Variants in POU2F1 observed in about 807,000 individuals in gnomAD.
POU2F1 encodes the protein POU class 2 homeobox 1, also known as POU domain, class 2, transcription factor 1.
POU2F1 carries 16 observed loss-of-function variants against 84.9 expected under a neutral mutation model. That is an observed-to-expected ratio of 0.19 (90% CI 0.13 to 0.29). The LOEUF (loss-of-function observed/expected upper bound fraction) is 0.29. POU2F1 is among the 10% of genes least tolerant of loss of function. The pLI is 1.00. For synonymous variants in POU2F1, 368 were observed against 368.3 expected, an observed-to-expected ratio of 1.00 and a Z score of 0.01; for missense variants, 738 against 942.6, an observed-to-expected ratio of 0.78 and a Z score of 2.84.
chr1:167,336,398 G>A (rs1223948246), intron 2 of POU2F1, among the ~76,000 whole-genome samples: 1 of 152,182 alleles, frequency 6.6e-6, no homozygotes, highest in Non-Finnish European at 1.5e-5. Flanking sequence ...GCAGTAAAAA[G>A]TGATCTCTCT....
intron 9 of POU2F1, among the ~76,000 whole-genome samples, chr1:167,392,133 T>C (rs1310072650): frequency 6.6e-6 from 1 of 152,088 alleles, no homozygotes; most frequent in Non-Finnish European, 1.5e-5. Flanking sequence ...GTGGATCACC[T>C]GAGGTCAGGA....
chr1:167,415,939 G>GAAAA lies in POU2F1; in HGVS notation c.*130_*131insAAAA. The GAAAA allele has an allele frequency of 5.0e-6, 2 of 400,458 alleles. No homozygotes were observed. The highest frequency in any genetic ancestry group is 2.7e-5 in the South Asian group (1 of 36,568). 24.8% of individuals were successfully genotyped at this position (400,458 alleles called of 1,614,324 possible). A position where few individuals can be genotyped will look rare whatever the true frequency, so the allele number is the denominator to read the frequency against. On this transcript the variant is annotated 3_prime_UTR_variant, in exon 16 of 16. Transcript: ENST00000367866. ...TGTTGTGAGGGCAAAGGAGAGAAGG[G>GAAAA]AGAAAAAAAAAAAAAAACCACACAC...
intron 1 of POU2F1, among the ~76,000 whole-genome samples, chr1:167,297,970 T>A (rs1392691298): frequency 6.7e-6 from 1 of 150,318 alleles, no homozygotes; most frequent in African/African-American, 2.5e-5. Flanking sequence ...AAAAAAAAAA[T>A]ACAAAATTAG....
intron 4 of POU2F1, among the ~76,000 whole-genome samples, chr1:167,371,188 A>T (rs1416237735): frequency 2.0e-5 from 3 of 152,142 alleles, no homozygotes; most frequent in Admixed American, 2.0e-4. Context: ...TCCCTTAGAG[A>T]GATGTTGGCA....
chr1:167,269,255 C>G (rs1295044057), intron 1 of POU2F1, among the ~76,000 whole-genome samples: 2 of 152,200 alleles, frequency 1.3e-5, no homozygotes, highest in African/African-American at 4.8e-5. Flanking sequence ...TTGAAATTAG[C>G]CTGCTAATTG....
At chr1:167,363,715 G>T (rs139289513) in intron 2 of POU2F1, among the ~76,000 whole-genome samples, 37 of 152,272 alleles carry the variant, frequency 2.4e-4, no homozygotes, top group African/African-American at 8.9e-4. Context: ...TCTATTTGTG[G>T]AAGACTTTAG....
intron 1 of POU2F1, among the ~76,000 whole-genome samples, chr1:167,240,094 A>C (rs1268614262): frequency 6.6e-6 from 1 of 152,224 alleles, no homozygotes; most frequent in Non-Finnish European, 1.5e-5. Context: ...GACTCTACAA[A>C]TAAAATTAAC....
At chr1:167,414,391 G>T in intron 15 of POU2F1, 1 of 985,222 alleles carries the variant, frequency 1.0e-6, no homozygotes, top group East Asian at 1.1e-4. Flanking sequence ...ACTTCAAGCT[G>T]CACTGTCTCA....
chr1:167,391,563 T>TC (rs1648407608), intron 9 of POU2F1, among the ~76,000 whole-genome samples: 1 of 123,358 alleles, frequency 8.1e-6, no homozygotes, highest in Non-Finnish European at 1.7e-5. Context: ...ATATATCTTT[T>TC]TTTTTTTTTT....
rs1654811972 is a variant in POU2F1 at position 167,302,907 on chromosome 1, CAA to C, written c.62-29561_62-29560del. ...CGATGAGGATTCTGAGGCCTCATGA[CAA>C]AGAGGGGGATGGTCAACCAGTGATA... On this transcript the variant is annotated intron_variant, in intron 1 of 15. Coordinates refer to ENST00000367866, the MANE Select transcript of POU2F1 (RefSeq NM_002697.4). Among the ~76,000 whole-genome samples the C allele has an allele frequency of 2.0e-5, 3 of 152,138 alleles. No individual in the cohort carries two copies. In the South Asian group the frequency reaches 6.2e-4, roughly 32 times the overall value.
At chr1:167,293,207 G>A (rs1654045225) in intron 1 of POU2F1, among the ~76,000 whole-genome samples, 2 of 152,124 alleles carry the variant, frequency 1.3e-5, no homozygotes, top group Non-Finnish European at 1.5e-5. Context: ...TGGAAAAGAG[G>A]AAGTCAGACT....
intron 13 of POU2F1, among the ~76,000 whole-genome samples, chr1:167,402,186 T>C (rs550191952): frequency 5.9e-5 from 9 of 152,306 alleles, no homozygotes; most frequent in African/African-American, 2.2e-4. Flanking sequence ...TTAAAATCAC[T>C]TAGCATTGTC....
At chr1:167,256,786 G>C (rs1227253004) in intron 1 of POU2F1, among the ~76,000 whole-genome samples, 1 of 152,204 alleles carries the variant, frequency 6.6e-6, no homozygotes, top group Non-Finnish European at 1.5e-5. Flanking sequence ...GCAGTACAAT[G>C]ACTTTCCTGC....
intron 15 of POU2F1, chr1:167,414,607 A>C (rs1260751446): frequency 2.0e-6 from 2 of 985,326 alleles, no homozygotes; most frequent in African/African-American, 3.5e-5. Context: ...TTTTAAATAA[A>C]ATGTTGATGA....
chr1:167,287,348 T>TA (rs1473580721), intron 1 of POU2F1, among the ~76,000 whole-genome samples: 4 of 152,182 alleles, frequency 2.6e-5, no homozygotes, highest in Non-Finnish European at 5.9e-5. Context: ...CAGAGGCAAA[T>TA]ATATGGCCTT....
chr1:167,310,944 T>C (rs1464534345), intron 1 of POU2F1, among the ~76,000 whole-genome samples: 1 of 152,074 alleles, frequency 6.6e-6, no homozygotes, highest in East Asian at 1.9e-4. Context: ...TTACCCAATC[T>C]GAACAAGAAA....
chr1:167,370,388 T>G (rs1036861385), intron 4 of POU2F1, among the ~76,000 whole-genome samples, 174 bp downstream of exon 4: 13 of 152,218 alleles, frequency 8.5e-5, no homozygotes, highest in Admixed American at 8.5e-4. Context: ...AAAATCAGTT[T>G]TATATTATGC....
intron 2 of POU2F1, among the ~76,000 whole-genome samples, chr1:167,362,313 G>A (rs1366474310): frequency 6.6e-6 from 1 of 152,094 alleles, no homozygotes; most frequent in Admixed American, 6.6e-5. Flanking sequence ...TACTACCTTT[G>A]AATACTGTTT....
rs534989527 is a variant in POU2F1, at chr1:167,419,757, A to G, written c.*3947A>G. 1.8e-4 allele frequency: 28 copies of G among 152,334 alleles called. No individual in the cohort carries two copies. The highest frequency in any genetic ancestry group is 5.3e-4 in the African/African-American group (22 of 41,586). 9.4% of individuals were successfully genotyped at this position (152,334 alleles called of 1,614,324 possible). A position where few individuals can be genotyped will look rare whatever the true frequency, so the allele number is the denominator to read the frequency against. ...TATCAGAAAGATCAATACTATCCCA[A>G]TTTATTCAACTTGTTACCCAAGAAA... On this transcript the variant is annotated 3_prime_UTR_variant, in exon 16 of 16. Transcript: ENST00000367866.
Sources: allele counts gnomAD v4.1 joint callset (sites outside exome capture counted in the v4.1 genomes callset), GRCh38; gene constraint gnomAD v4.1.1; transcripts MANE v1.5; gene names NCBI Gene and HGNC (gene_info 2026-07-23, HGNC 2026-07-21).